Variants in BLK observed in about 807,000 individuals in gnomAD.
The protein encoded by BLK is tyrosine-protein kinase Blk.
In BLK, 64 loss-of-function variants were observed where a neutral mutation model predicts 61.8. The observed-to-expected ratio is 1.03, with a 90% CI of 0.85 to 1.27. BLK has a LOEUF of 1.27. Among genes scored for constraint, BLK ranks in the 50% most tolerant of loss-of-function variants. The pLI, the probability that BLK is intolerant of heterozygous loss-of-function variation, is 0.00. For synonymous variants in BLK, 351 were observed against 272.0 expected (o/e 1.29, Z -2.86); for missense variants, 853 against 660.5 (o/e 1.29, Z -3.19).
chr8:11,516,148 G>A (rs1427461135), intron 1 of BLK, among the ~76,000 whole-genome samples: 1 of 152,244 alleles, frequency 6.6e-6, no homozygotes, highest in East Asian at 1.9e-4. Context: ...ACGCTAAGAG[G>A]AGAGAGTCAG....
chr8:11,555,828 G>C, intron 8 of BLK: 1 of 382,018 alleles, frequency 2.6e-6, no homozygotes, highest in Non-Finnish European at 5.0e-6. Context: ...ATGGAAACAG[G>C]AGGTTAAACG....
At chr8:11,559,715 C>A (rs1291406488) in intron 10 of BLK, 5 of 455,458 alleles carry the variant, frequency 1.1e-5, no homozygotes, top group Non-Finnish European at 2.2e-5. Context: ...CAGATGCCAC[C>A]GGTTCCCATG....
chr8:11,498,985 T>C (rs917573123), intron 1 of BLK, among the ~76,000 whole-genome samples: 4 of 152,244 alleles, frequency 2.6e-5, no homozygotes, highest in Non-Finnish European at 5.9e-5. Flanking sequence ...ATATTCATTT[T>C]GAAACCTCAC....
intron 3 of BLK, among the ~76,000 whole-genome samples, chr8:11,546,762 G>C (rs570753846): frequency 4.6e-5 from 7 of 152,308 alleles, no homozygotes; most frequent in African/African-American, 1.7e-4. Flanking sequence ...TTTTACTAGT[G>C]AGGGGGTTTC....
In BLK at chr8:11,525,456, A is replaced by T. The variant is rs116835392; in HGVS notation, c.-1-17768A>T. Among the ~76,000 whole-genome samples, 230 of 148,602 alleles carry T rather than the reference A, an allele frequency of 1.5e-3. 1 individual carries two copies. The highest frequency in any genetic ancestry group is 5.6e-3 in the African/African-American group (223 of 40,026). ...TCCTTTTTTTAAATTTCACACAAGC[A>T]GGATTATATCATACAAAACATTCTG... On this transcript the variant is annotated intron_variant, in intron 1 of 12. Coordinates refer to ENST00000259089, the MANE Select transcript of BLK (RefSeq NM_001715.3).
At chr8:11,535,085 G>A (rs1800057035) in intron 1 of BLK, among the ~76,000 whole-genome samples, 1 of 151,944 alleles carries the variant, frequency 6.6e-6, no homozygotes, top group Non-Finnish European at 1.5e-5. Context: ...GGTTGAGGTG[G>A]GAGGATCACT....
At chr8:11,521,463 C>A (rs1799443371) in intron 1 of BLK, among the ~76,000 whole-genome samples, 11 of 152,076 alleles carry the variant, frequency 7.2e-5, no homozygotes, top group Admixed American at 7.2e-4. Flanking sequence ...GCTAATTCTT[C>A]TAATTTTTGT....
Position 11,502,366 on chromosome 8 carries a change from C to T in BLK, c.-2+7775C>T, listed in dbSNP as rs146627625. Among the ~76,000 whole-genome samples the T allele has an allele frequency of 4.8e-3, 724 of 152,042 alleles. 6 individuals carry two copies. Among genetic ancestry groups the T allele is most frequent in the African/African-American group, 0.016 (675 of 41,446 alleles). ...TTGCCCAGGCTGCAGTGCAGTGGCA[C>T]GATCTCTGGTCACTGCAACTTCCAC... On this transcript the variant is annotated intron_variant, in intron 1 of 12. Coordinates refer to ENST00000259089, the MANE Select transcript of BLK (RefSeq NM_001715.3).
intron 1 of BLK, among the ~76,000 whole-genome samples, chr8:11,531,912 G>T (rs1799900658): frequency 6.6e-6 from 1 of 152,164 alleles, no homozygotes; most frequent in Non-Finnish European, 1.5e-5. Context: ...AGGCTGGAGT[G>T]CAGTGGCACC....
chr8:11,516,777 G>A (rs1277109986), intron 1 of BLK, among the ~76,000 whole-genome samples: 1 of 152,206 alleles, frequency 6.6e-6, no homozygotes, highest in African/African-American at 2.4e-5. Flanking sequence ...TCCTTTGTAA[G>A]ACTGGATTCC....
Position 11,517,024 on chromosome 8 carries a change from A to T in BLK, c.-2+22433A>T, listed in dbSNP as rs568012688. 1.2e-4 allele frequency among the ~76,000 whole-genome samples: 19 copies of T among 152,330 alleles called. No individual in the cohort carries two copies. In the South Asian group the frequency reaches 3.9e-3, roughly 32 times the overall value. ...TACAGGACTTTGAATTTTACTCTGA[A>T]TGAGAGGGTGACACTGGGGAGTTCT... On this transcript the variant is annotated intron_variant, in intron 1 of 12. Coordinates refer to ENST00000259089, the MANE Select transcript of BLK (RefSeq NM_001715.3).
At chr8:11,549,155 G>A in intron 5 of BLK, 33 bp downstream of exon 5, 1 of 1,551,248 alleles carries the variant, frequency 6.4e-7, no homozygotes. Flanking sequence ...CTCGAGCCAA[G>A]ATGCAGTCAC....
intron 1 of BLK, among the ~76,000 whole-genome samples, chr8:11,540,530 G>T (rs1237137774): frequency 6.6e-6 from 1 of 151,978 alleles, no homozygotes; most frequent in African/African-American, 2.4e-5. Flanking sequence ...TTAATTAAAA[G>T]AACATTCCAT....
At chr8:11,527,487 T>A (rs756155167) in intron 1 of BLK, among the ~76,000 whole-genome samples, 6 of 151,622 alleles carry the variant, frequency 4.0e-5, no homozygotes, top group African/African-American at 7.3e-5. Context: ...TTTTTTTTTT[T>A]AGTGGGGAAG....
Position 11,521,435 on chromosome 8 carries a change from C to T in BLK, c.-1-21789C>T, listed in dbSNP as rs373339685. Among the ~76,000 whole-genome samples, 31 of 152,214 alleles carry T rather than the reference C, an allele frequency of 2.0e-4. No homozygotes were observed. In the South Asian group the frequency reaches 5.6e-3, roughly 28 times the overall value. ...CCTCCCGAGTAGCTGGGACTACAGG[C>T]GTACATCACCATATCCAGCTAATTC... is the stretch of plus-strand genomic sequence containing the variant. On this transcript the variant is annotated intron_variant, in intron 1 of 12. Transcript: ENST00000259089.
intron 1 of BLK, among the ~76,000 whole-genome samples, chr8:11,507,961 C>T (rs1213968622): frequency 1.3e-5 from 2 of 152,168 alleles, no homozygotes; most frequent in Non-Finnish European, 2.9e-5. Flanking sequence ...TTCCAGTGCA[C>T]CCTTTGGTGG....
At chr8:11,560,782 C>G in intron 10 of BLK, 1 of 445,854 alleles carries the variant, frequency 2.2e-6, no homozygotes, top group Non-Finnish European at 4.6e-6. Flanking sequence ...CCTCAACCCC[C>G]TGCCCTGGAG....
chr8:11,538,052 G>T (rs950426374), intron 1 of BLK, among the ~76,000 whole-genome samples: 1 of 152,042 alleles, frequency 6.6e-6, no homozygotes, highest in Non-Finnish European at 1.5e-5. Context: ...TCTCACACAT[G>T]CATATACACG....
intron 2 of BLK, among the ~76,000 whole-genome samples, chr8:11,545,333 G>T: frequency 6.6e-6 from 1 of 152,210 alleles, no homozygotes; most frequent in African/African-American, 2.4e-5. Flanking sequence ...AGGATCACTT[G>T]AGGCCAGGAG....
Sources: gnomAD v4.1 joint callset for allele counts (sites outside exome capture counted in the v4.1 genomes callset) on GRCh38, gnomAD v4.1.1 for gene constraint, MANE v1.5 for transcripts, NCBI Gene and HGNC (gene_info 2026-07-23, HGNC 2026-07-21) for gene names.